The following PLEC variants were observed in gnomAD, a reference collection of about 807,000 sequenced individuals.
The protein encoded by PLEC is plectin, also known as hemidesmosomal protein 1.
A neutral mutation model predicts 392.8 loss-of-function variants in PLEC; 216 were observed. The observed-to-expected ratio is 0.55, with a 90% CI of 0.49 to 0.62. The LOEUF (loss-of-function observed/expected upper bound fraction) is 0.62. Among genes scored for constraint, PLEC ranks in the 20% least tolerant of loss-of-function variants. The pLI is 0.00. For synonymous variants in PLEC, 3,621 were observed against 2,980.6 expected (o/e 1.21, Z -7.00); for missense variants, 6,863 against 6,563.4 (o/e 1.05, Z -1.58).
chr8:143,956,488 AACCAGCCC>A (rs1211234847), upstream of PLEC, among the ~76,000 whole-genome samples: 2 of 152,198 alleles, frequency 1.3e-5, no homozygotes, highest in African/African-American at 4.8e-5. Flanking sequence ...GGACGGCTTG[AACCAGCCC>A]ACCCAAGGCT....
chr8:143,950,688 T>A (rs1191745653), exon 1 of PLEC: 2 of 1,568,266 alleles, frequency 1.3e-6, no homozygotes, highest in African/African-American at 2.7e-5. Flanking sequence ...TCCCGTGGCA[T>A]GAGCATGCCG....
At chr8:143,951,305 G>A (rs1295542053), upstream of PLEC, among the ~76,000 whole-genome samples, 1 of 152,126 alleles carries the variant, frequency 6.6e-6, no homozygotes, top group Non-Finnish European at 1.5e-5. Flanking sequence ...TGGGCTGCCA[G>A]GCCTGGAGGG....
At chr8:143,976,416 C>T (rs1432637019), upstream of PLEC, among the ~76,000 whole-genome samples, 2 of 152,106 alleles carry the variant, frequency 1.3e-5, no homozygotes, top group African/African-American at 4.8e-5. Context: ...CCGCGCCCCG[C>T]CCCCACTGGC....
In PLEC at chr8:143,922,823, T is replaced by C; in HGVS notation, c.7106A>G (p.Glu2369Gly). The change falls in exon 31 of 32, where the codon GAG becomes GGG. Residue 2369 changes from glutamate (E) to glycine (G), a missense_variant. Transcript: ENST00000345136. The part of the protein sequence containing the change: ...EETQGFQRTL[E>G]AERQRQLEMS... ...CTCCAGCTGCCGCTGCCGCTCGGCC[T>C]CCAGCGTCCGCTGGAAGCCCTGCGT... 1 of 1,585,168 alleles carries C rather than the reference T, an allele frequency of 6.3e-7. No homozygotes were observed. The highest frequency in any genetic ancestry group is 1.3e-5 in the African/African-American group (1 of 74,290).
intron 12 of PLEC, 61 bp downstream of exon 12, chr8:143,933,937 C>T: frequency 2.1e-6 from 3 of 1,447,878 alleles, no homozygotes; most frequent in Non-Finnish European, 2.8e-6. Flanking sequence ...TTTAGGGCTG[C>T]AGGGCGGGGC....
upstream of PLEC, among the ~76,000 whole-genome samples, chr8:143,941,359 C>A (rs1564185937): frequency 6.6e-6 from 1 of 151,760 alleles, no homozygotes; most frequent in Non-Finnish European, 1.5e-5. Flanking sequence ...CAGCCAGGCC[C>A]CTGTTCCAGC....
chr8:143,932,753 C>A (rs782178802), intron 14 of PLEC, 40 bp downstream of exon 14: 9 of 1,608,970 alleles, frequency 5.6e-6, no homozygotes, highest in Non-Finnish European at 7.6e-6. Flanking sequence ...TGGCTGGGCC[C>A]GGCCCACCCC....
Position 143,925,333 on chromosome 8 carries a change from C to G in PLEC, c.4596G>C (p.Gln1532His). The change falls in exon 31 of 32, where the codon CAG becomes CAC. Residue 1532 changes from glutamine to histidine, a missense_variant. Transcript: ENST00000345136. ...KAEAEAAREK[Q>H]RALQALEELR... Reference sequence around the variant, plus strand: ...GCTCCTCCAGGGCCTGCAGGGCCCGCTGCTTCTCGCGCGCCGCCTCGGCCT... The same window carrying G: ...GCTCCTCCAGGGCCTGCAGGGCCCGGTGCTTCTCGCGCGCCGCCTCGGCCT... The G allele has an allele frequency of 6.4e-7, 1 of 1,557,004 alleles. No homozygotes were observed. The highest frequency in any genetic ancestry group is 8.6e-7 in the Non-Finnish European group (1 of 1,159,338).
chr8:143,919,713 A>T lies in PLEC; in HGVS notation c.10108T>A (p.Ser3370Thr). 6.2e-7 allele frequency: 1 copy of T among 1,605,618 alleles called. No homozygotes were observed. The highest frequency in any genetic ancestry group is 1.1e-5 in the South Asian group (1 of 90,966). Residue 3370 changes from serine to threonine, a missense_variant, in exon 32 of 32, where the codon TCC becomes ACC. Physicochemically the swap from Ser to Thr is moderately conservative, Grantham distance 58. Transcript: ENST00000345136. ...IYLEDTKEKV[S>T]IYEAMRRGLL... ...CCCCGGCGCATGGCCTCGTAGATGG[A>T]CACCTTCTCCTTGGTGTCCTCCAGG...
intron 1 of PLEC, among the ~76,000 whole-genome samples, chr8:143,961,188 A>T (rs1832855424): frequency 6.6e-6 from 1 of 152,166 alleles, no homozygotes; most frequent in South Asian, 2.1e-4. Context: ...TCTTGATGTA[A>T]ATTAAAGCTT....
At position 143,916,788 on chromosome 8, in the gene PLEC, T is replaced by A. The variant is rs1554670129; in HGVS notation, c.13033A>T (p.Met4345Leu). The change falls in exon 32 of 32, where the codon ATG becomes TTG. Residue 4345 changes from methionine to leucine, a missense_variant. Transcript: ENST00000345136. ...TGGGCCAGGTTGATGCGGTCCACCA[T>A]GATCTTGTCCACCAGGCCCTTGTTG... ...AVNKGLVDKI[M>L]VDRINLAQKA... The A allele has an allele frequency of 1.9e-6, 3 of 1,613,284 alleles. No individual in the cohort carries two copies. The South Asian group carries it at 3.3e-5, about 18-fold the overall frequency.
upstream of PLEC, chr8:143,942,422 C>T (rs1554729369): frequency 6.2e-7 from 1 of 1,605,894 alleles, no homozygotes; most frequent in African/African-American, 1.3e-5. Flanking sequence ...TAGAGGTAGC[C>T]CCTGCGGGCC....
At chr8:143,926,003 A>G (rs1482693785) in intron 30 of PLEC, 119 bp from the exon 31 acceptor site, 8 of 1,154,408 alleles carry the variant, frequency 6.9e-6, no homozygotes, top group Non-Finnish European at 1.0e-5. Flanking sequence ...CGGGGAAGAC[A>G]GAGGCCCCAG....
Position 143,933,373 on chromosome 8 carries a change from T to A in PLEC, c.1264-22A>T, listed in dbSNP as rs782502124. The A allele has an allele frequency of 3.1e-6, 5 of 1,605,996 alleles. No homozygotes were observed. The East Asian group carries it at 1.1e-4, about 36-fold the overall frequency. ...CATCCTGCAAGGTCGTTGCCATGAC[T>A]CGGAGCACAGCTGATCCCCCTCTGA... is the stretch of plus-strand genomic sequence containing the variant. On this transcript the variant is annotated intron_variant, in intron 12 of 31. Coordinates refer to ENST00000345136, the MANE Select transcript of PLEC (RefSeq NM_201384.3).
At position 143,919,665 on chromosome 8, in the gene PLEC, C is replaced by T. The variant is rs1351536367; in HGVS notation, c.10156G>A (p.Ala3386Thr). ...GCCGCCTGCGCCTCCAGCAGGAGCG[C>T]AGCCGTTGTGGCTCTCAGCAGGCCC... is the stretch of plus-strand genomic sequence containing the variant. Reference protein sequence around the residue: ...RRGLLRATTAALLLEAQAATG... With the variant: ...RRGLLRATTATLLLEAQAATG... The change falls in exon 32 of 32, where the codon GCG becomes ACG. Residue 3386 changes from alanine to threonine, a missense_variant. Ala to Thr is a moderately conservative substitution (Grantham distance 58). Coordinates refer to ENST00000345136, the MANE Select transcript of PLEC (RefSeq NM_201384.3). 6.9e-6 allele frequency: 11 copies of T among 1,596,204 alleles called. No homozygotes were observed. Among genetic ancestry groups the T allele is most frequent in the Non-Finnish European group, 9.4e-6 (11 of 1,173,168 alleles).
At chr8:143,939,683 G>A (rs935608339), upstream of PLEC, 50 of 1,382,220 alleles carry the variant, frequency 3.6e-5, no homozygotes, top group African/African-American at 5.5e-4. Flanking sequence ...GCCGCCGCCA[G>A]GGAGGGGAGT....
rs782646621 is a variant in PLEC, at chr8:143,920,464, G to A, written c.9357C>T (p.Ala3119=). 6.2e-7 allele frequency: 1 copy of A among 1,602,802 alleles called. No individual in the cohort carries two copies. The highest frequency in any genetic ancestry group is 1.1e-5 in the South Asian group (1 of 90,872). ...YTGQSVSLFQ[A]LKKGLIPREQ... ...CCCGGGGAATGAGGCCCTTCTTCAG[G>A]GCCTGGAACAGGGAGACGCTCTGCC... Residue 3119 remains alanine (A), a synonymous_variant, in exon 32 of 32, where the codon GCC becomes GCT. Transcript: ENST00000345136.
At chr8:143,942,603 G>C, upstream of PLEC, 1 of 1,424,450 alleles carries the variant, frequency 7.0e-7, no homozygotes. Flanking sequence ...CCCACGCTGC[G>C]AGGCTGCCGG....
At position 143,927,138 on chromosome 8, in the gene PLEC, G is replaced by A. The variant is rs113473982; in HGVS notation, c.3841-57C>T. ...TCTGCCCTCCGATGGCCCCTGCCCA[G>A]CCCCTAAACCCTCACATGGGCTTTC... On this transcript the variant is annotated intron_variant, in intron 28 of 31. Coordinates refer to ENST00000345136, the MANE Select transcript of PLEC (RefSeq NM_201384.3). The A allele has an allele frequency of 0.012, 18,825 of 1,559,134 alleles. 1,585 individuals are homozygous for A. In the African/African-American group the frequency reaches 0.2, roughly 17 times the overall value.
Sources: gnomAD v4.1 joint callset for allele counts (sites outside exome capture counted in the v4.1 genomes callset) on GRCh38, gnomAD v4.1.1 for gene constraint, MANE v1.5 for transcripts, NCBI Gene and HGNC (gene_info 2026-07-23, HGNC 2026-07-21) for gene names.